NR5A1: variants seen among roughly 807,000 people sequenced by gnomAD.
NR5A1 encodes the protein steroidogenic factor 1.
In NR5A1, 6 loss-of-function variants were observed where a neutral mutation model predicts 42.7. The ratio of observed to expected loss-of-function variants is 0.14; its 90% CI spans 0.08 to 0.28. The LOEUF is 0.28. NR5A1 is among the 10% of genes least tolerant of loss of function. The probability of loss-of-function intolerance (pLI) is 1.00; values close to 1 mark genes in which losing one functional copy is unlikely to be tolerated. For synonymous variants in NR5A1, 274 were observed against 277.5 expected (o/e 0.99, Z 0.12); for missense variants, 442 against 626.4 (o/e 0.71, Z 3.14).
In NR5A1 at chr9:124,498,735, G is replaced by T. The variant is rs1262353053; in HGVS notation, c.870+1355C>A. 6.6e-6 allele frequency among the ~76,000 whole-genome samples: 1 copy of T among 152,216 alleles called. No individual in the cohort carries two copies. The highest frequency in any genetic ancestry group is 1.5e-5 in the Non-Finnish European group (1 of 68,034). ...TCGGACCAGAGAGGCGGGCAGTGTT[G>T]AGAAGGGGCTGGGGTGAGAAACCCA... On this transcript the variant is annotated intron_variant, in intron 4 of 6. Coordinates refer to ENST00000373588, the MANE Select transcript of NR5A1 (RefSeq NM_004959.5). This position sits in a 1 kb window ranked among gnomAD's most constrained non-coding sequence, Gnocchi z 4.6.
At position 124,496,239 on chromosome 9, in the gene NR5A1, G is replaced by A. The variant is rs1048101368; in HGVS notation, c.871-3090C>T. On this transcript the variant is annotated intron_variant, in intron 4 of 6. Coordinates refer to ENST00000373588, the MANE Select transcript of NR5A1 (RefSeq NM_004959.5). This position sits in a 1 kb window ranked among gnomAD's most constrained non-coding sequence, Gnocchi z 5.0. ...TTTTTATTTAAAAGAAAACCACAGG[G>A]CCATAGCTGCCAGCCCCCCTGCATG... is the stretch of plus-strand genomic sequence containing the variant. 6.6e-6 allele frequency among the ~76,000 whole-genome samples: 1 copy of A among 152,038 alleles called. No homozygotes were observed. The highest frequency in any genetic ancestry group is 2.4e-5 in the African/African-American group (1 of 41,376).
intron 1 of NR5A1, among the ~76,000 whole-genome samples, chr9:124,506,530 C>T (rs1261700393): frequency 1.3e-5 from 2 of 152,112 alleles, no homozygotes; most frequent in African/African-American, 4.8e-5. Context: ...GTTGGCTGTT[C>T]TAAGGTAGAG....
In NR5A1 at chr9:124,481,353, C is replaced by CG. The variant is rs201696716; in HGVS notation, c.*1404dup. The CG allele has an allele frequency of 0.081, 4,569 of 56,138 alleles. 268 individuals are homozygous for CG. The highest frequency in any genetic ancestry group is 0.28 in the African/African-American group (3,985 of 14,166). The allele number at this position is 56,138 out of a possible 1,614,324, so 3.5% of individuals were successfully genotyped here. A position where few individuals can be genotyped will look rare whatever the true frequency, so the allele number is the denominator to read the frequency against. ...TGGCAGGGGCACATGTTTCAGGGGG[C>CG]GGGGAGGGGAGGTACTGAGACAGGG... On this transcript the variant is annotated 3_prime_UTR_variant, in exon 7 of 7. Coordinates refer to ENST00000373588, the MANE Select transcript of NR5A1 (RefSeq NM_004959.5).
intron 4 of NR5A1, among the ~76,000 whole-genome samples, chr9:124,493,810 C>T (rs1473333796): frequency 1.3e-5 from 2 of 152,220 alleles, no homozygotes; most frequent in Non-Finnish European, 2.9e-5. Context: ...ATTCCGAATG[C>T]CCAGGCTGCG....
At chr9:124,483,156 C>T (rs1343234185) in intron 6 of NR5A1, 151 bp from the exon 7 acceptor site, 15 of 1,553,272 alleles carry the variant, frequency 9.7e-6, no homozygotes, top group Admixed American at 3.4e-5. Flanking sequence ...ATGGTCTCCC[C>T]GTTGGCACCG....
Position 124,496,189 on chromosome 9 carries a change from C to G in NR5A1, c.871-3040G>C, listed in dbSNP as rs969286188. Among the ~76,000 whole-genome samples the G allele has an allele frequency of 2.6e-5, 4 of 151,336 alleles. No individual in the cohort carries two copies. In the East Asian group the frequency reaches 7.7e-4, roughly 29 times the overall value. On this transcript the variant is annotated intron_variant, in intron 4 of 6. Transcript: ENST00000373588. The surrounding 1 kb of genome is among the most constrained non-coding windows in gnomAD (Gnocchi z 5.0). ...CCCCACACAGATGAGAATGCGCACA[C>G]ACACACACACACACACACAACCTCT... is the stretch of plus-strand genomic sequence containing the variant.
Position 124,496,988 on chromosome 9 carries a change from C to T in NR5A1, c.870+3102G>A, listed in dbSNP as rs151102785. 3.3e-5 allele frequency among the ~76,000 whole-genome samples: 5 copies of T among 152,256 alleles called. No homozygotes were observed. The highest frequency in any genetic ancestry group is 1.3e-4 in the Admixed American group (2 of 15,288). On this transcript the variant is annotated intron_variant, in intron 4 of 6. Coordinates refer to ENST00000373588, the MANE Select transcript of NR5A1 (RefSeq NM_004959.5). This position sits in a 1 kb window ranked among gnomAD's most constrained non-coding sequence, Gnocchi z 5.0. ...CACAGGGAAAAAGTTGCTTTATAAGCGCAGGACAAAGTGACCCTCAGACGG... is the reference window on the plus strand; with the variant it reads ...CACAGGGAAAAAGTTGCTTTATAAGTGCAGGACAAAGTGACCCTCAGACGG...
chr9:124,486,955 T>G (rs1186049229), intron 6 of NR5A1, among the ~76,000 whole-genome samples: 1 of 152,238 alleles, frequency 6.6e-6, no homozygotes, highest in African/African-American at 2.4e-5. Flanking sequence ...GGAAAATTCA[T>G]CTCTGCCTCA....
intron 5 of NR5A1, 141 bp downstream of exon 5, chr9:124,492,889 G>A: frequency 9.3e-7 from 1 of 1,073,906 alleles, no homozygotes. Context: ...GGTGTTCCAT[G>A]AACGTGGGGA....
chr9:124,487,337 T>C (rs1206390149), intron 6 of NR5A1, among the ~76,000 whole-genome samples: 1 of 152,232 alleles, frequency 6.6e-6, no homozygotes, highest in African/African-American at 2.4e-5. Flanking sequence ...CCGCCTTTTG[T>C]TGGCGCGGAG....
At chr9:124,484,676 C>T (rs1446395782) in intron 6 of NR5A1, among the ~76,000 whole-genome samples, 1 of 152,028 alleles carries the variant, frequency 6.6e-6, no homozygotes, top group Admixed American at 6.6e-5. Flanking sequence ...ATCAGGTGAA[C>T]CCGGGAGGTG....
intron 1 of NR5A1, chr9:124,506,827 CAGAT>C (rs1324564833): frequency 1.3e-5 from 2 of 152,556 alleles, no homozygotes; most frequent in Non-Finnish European, 2.9e-5. Context: ...CCCAGGCTGA[CAGAT>C]GGATGCCGGA....
chr9:124,495,336 C>G (rs896147421), intron 4 of NR5A1, among the ~76,000 whole-genome samples: 2 of 152,346 alleles, frequency 1.3e-5, no homozygotes, highest in Admixed American at 6.5e-5. Context: ...GCTCAGAGGG[C>G]ACCTATCACC....
intron 5 of NR5A1, among the ~76,000 whole-genome samples, chr9:124,492,626 G>A (rs1426566618): frequency 6.6e-6 from 1 of 152,092 alleles, no homozygotes; most frequent in Non-Finnish European, 1.5e-5. Flanking sequence ...ACCGGCACCA[G>A]CAGGGCCCGG....
chr9:124,501,943 T>C lies in NR5A1; in HGVS notation c.244+1136A>G, dbSNP rs1360266362. On this transcript the variant is annotated intron_variant, in intron 3 of 6. Transcript: ENST00000373588. The surrounding 1 kb of genome is among the most constrained non-coding windows in gnomAD (Gnocchi z 4.1). The stretch of plus-strand genomic sequence containing the variant: ...ACCTCCTCCTCTCTGGGCTGAGAGC[T>C]GGGGTTGAGGGTAGGGAGGCAAAGA... 6.6e-6 allele frequency among the ~76,000 whole-genome samples: 1 copy of C among 152,100 alleles called. No individual in the cohort carries two copies. The highest frequency in any genetic ancestry group is 1.5e-5 in the Non-Finnish European group (1 of 67,996).
rs745564225 is a variant in NR5A1, at chr9:124,493,110, C to T, written c.910G>A (p.Glu304Lys). 2.5e-6 allele frequency: 4 copies of T among 1,612,106 alleles called. No individual in the cohort carries two copies. The highest frequency in any genetic ancestry group is 2.7e-5 in the African/African-American group (2 of 74,934). Residue 304 changes from glutamate (E) to lysine (K), a missense_variant, in exon 5 of 7, where the codon GAG becomes AAG. Glu to Lys is a moderately conservative substitution (Grantham distance 56). Transcript: ENST00000373588. The stretch of plus-strand genomic sequence containing the variant: ...TAGATGTGGTCGAACACCAGCAGCT[C>T]GCTCCAGCAGTTCTGCAGCAGCGTC... Reference protein sequence around the residue: ...QMTLLQNCWSELLVFDHIYRQ... With the variant: ...QMTLLQNCWSKLLVFDHIYRQ...
chr9:124,496,477 A>C lies in NR5A1; in HGVS notation c.871-3328T>G, dbSNP rs1163444707. Among the ~76,000 whole-genome samples, 1 of 151,640 alleles carries C rather than the reference A, an allele frequency of 6.6e-6. No individual in the cohort carries two copies. Among genetic ancestry groups the C allele is most frequent in the African/African-American group, 2.4e-5 (1 of 41,258 alleles). ...CACCCCTCCCACCGGACCGCCACAA[A>C]TCTTCCTGGAGCCTTGACGCTCTGC... On this transcript the variant is annotated intron_variant, in intron 4 of 6. Transcript: ENST00000373588. The surrounding 1 kb of genome is among the most constrained non-coding windows in gnomAD (Gnocchi z 5.0).
chr9:124,491,036 C>CCCCCCCCCCGGGGGG, intron 6 of NR5A1, 45 bp downstream of exon 6: 12 of 1,401,592 alleles, frequency 8.6e-6, no homozygotes, highest in East Asian at 3.0e-5. Flanking sequence ...CCCACCCACC[C>CCCCCCCCCCGGGGGG]GCCTCTGGCT....
intron 6 of NR5A1, among the ~76,000 whole-genome samples, chr9:124,487,850 G>A (rs191579946): frequency 1.3e-5 from 2 of 152,344 alleles, no homozygotes; most frequent in East Asian, 3.9e-4. Flanking sequence ...CTCCAGCCCA[G>A]CCCCAGGTCT....
Sources: allele counts gnomAD v4.1 joint callset (sites outside exome capture counted in the v4.1 genomes callset), GRCh38; gene constraint gnomAD v4.1.1; non-coding constraint Gnocchi (gnomAD v3.1); transcripts MANE v1.5; gene names NCBI Gene and HGNC (gene_info 2026-07-23, HGNC 2026-07-21).